The following STRN3 variants were observed in gnomAD, a reference collection of about 807,000 sequenced individuals.
STRN3 encodes striatin 3.
A neutral mutation model predicts 95.6 loss-of-function variants in STRN3; 29 were observed. That is an observed-to-expected ratio of 0.30 (90% CI 0.23 to 0.41). STRN3 has a LOEUF of 0.41. Ranked by LOEUF, STRN3 falls within the 10% of genes least tolerant of loss-of-function variation. The probability of loss-of-function intolerance (pLI) is 1.00; values close to 1 mark genes in which losing one functional copy is unlikely to be tolerated. For missense variants in STRN3, 890 were observed against 972.1 expected, an observed-to-expected ratio of 0.92 and a Z score of 1.12; for synonymous variants, 331 against 357.6, an observed-to-expected ratio of 0.93 and a Z score of 0.84.
chr14:30,916,268 C>G (rs1896735750), intron 9 of STRN3, among the ~76,000 whole-genome samples: 1 of 149,690 alleles, frequency 6.7e-6, no homozygotes, highest in African/African-American at 2.4e-5. Flanking sequence ...ATTATTTAAA[C>G]AAGTAGTTTT....
rs140298772 is a variant in STRN3, at chr14:30,907,385, TCA to T, written c.1721-343_1721-342del. ...ACTTCAATGATTTTTGGTATGTTGT[TCA>T]CAGAGTTATACAACCATCATGACAA... On this transcript the variant is annotated intron_variant, in intron 13 of 17. Coordinates refer to ENST00000357479, the MANE Select transcript of STRN3 (RefSeq NM_001083893.2). Among the ~76,000 whole-genome samples the T allele has an allele frequency of 8.8e-3, 1,344 of 152,286 alleles. 16 individuals carry two copies. Among genetic ancestry groups the T allele is most frequent in the African/African-American group, 0.03 (1,257 of 41,556 alleles).
chr14:31,018,471 C>T, intron 1 of STRN3: 1 of 422,782 alleles, frequency 2.4e-6, no homozygotes, highest in South Asian at 1.7e-5. Context: ...CTGACTGTCA[C>T]CGTCACTCCT....
intron 16 of STRN3, among the ~76,000 whole-genome samples, chr14:30,902,194 AAAAAAAAAAAAAAATG>A: frequency 7.0e-6 from 1 of 143,390 alleles, no homozygotes; most frequent in South Asian, 2.2e-4. Context: ...AAAAAAAAAA[AAAAAAAAAAAAAAATG>A]GAAATGCCAA....
Position 30,956,259 on chromosome 14 carries a change from T to C in STRN3, c.283-17A>G. ...AATCCGGGCCTAAAAATATAAAAGA[T>C]GCATTTATTTACATTTTCCCTTAAC... On this transcript the variant is annotated splice_polypyrimidine_tract_variant and intron_variant, in intron 1 of 17. Transcript: ENST00000357479. 6.2e-7 allele frequency: 1 copy of C among 1,604,926 alleles called. No homozygotes were observed. Among genetic ancestry groups the C allele is most frequent in the Non-Finnish European group, 8.5e-7 (1 of 1,172,552 alleles).
At chr14:30,993,994 C>T (rs551553539) in intron 1 of STRN3, among the ~76,000 whole-genome samples, 10 of 152,092 alleles carry the variant, frequency 6.6e-5, no homozygotes, top group African/African-American at 2.4e-4. Context: ...TCTCCTGCCT[C>T]AGCCTCCCAA....
At chr14:30,945,360 G>T (rs970586357) in intron 5 of STRN3, among the ~76,000 whole-genome samples, 4 of 150,104 alleles carry the variant, frequency 2.7e-5, no homozygotes, top group African/African-American at 9.8e-5. Flanking sequence ...GCTGATGCCT[G>T]TAATCCCAGC....
chr14:30,966,392 A>G (rs139693753), intron 1 of STRN3, among the ~76,000 whole-genome samples: 1 of 152,294 alleles, frequency 6.6e-6, no homozygotes, highest in African/African-American at 2.4e-5. Context: ...TTTACATATA[A>G]CAATGTGGGG....
chr14:30,896,894 A>T (rs762649859), intron 16 of STRN3, among the ~76,000 whole-genome samples: 2 of 152,310 alleles, frequency 1.3e-5, no homozygotes, highest in Non-Finnish European at 1.5e-5. Flanking sequence ...TTTAAAAGAC[A>T]AGTTGTGAAC....
intron 9 of STRN3, among the ~76,000 whole-genome samples, chr14:30,917,463 C>T (rs147018802): frequency 8.1e-4 from 123 of 150,960 alleles, no homozygotes; most frequent in African/African-American, 2.5e-3. Context: ...TTTAAATGTA[C>T]ATTAATTACA....
intron 1 of STRN3, among the ~76,000 whole-genome samples, chr14:30,957,781 G>A (rs1322571412): frequency 1.3e-5 from 2 of 152,148 alleles, no homozygotes; most frequent in East Asian, 3.9e-4. Context: ...TCTGTCTGGG[G>A]ACATTTGCCA....
rs56306509 is a variant in STRN3 at position 30,982,778 on chromosome 14, T to A, written c.283-26536A>T. Among the ~76,000 whole-genome samples the A allele has an allele frequency of 5.2e-3, 796 of 152,316 alleles. 3 individuals carry two copies. Among genetic ancestry groups the A allele is most frequent in the African/African-American group, 0.018 (737 of 41,562 alleles). On this transcript the variant is annotated intron_variant, in intron 1 of 17. Transcript: ENST00000357479. ...TGGTACTTTATTTTTTTACTTTTTT[T>A]AATTTTAGATACAGTCTCGTTATGT... is the stretch of plus-strand genomic sequence containing the variant.
intron 5 of STRN3, among the ~76,000 whole-genome samples, chr14:30,946,132 T>C (rs1879348001): frequency 6.6e-6 from 1 of 152,200 alleles, no homozygotes; most frequent in African/African-American, 2.4e-5. Flanking sequence ...TTATAATTTG[T>C]TGAAAATACT....
At chr14:30,905,701 G>T in intron 14 of STRN3, 143 bp from the exon 15 acceptor site, 1 of 817,264 alleles carries the variant, frequency 1.2e-6, no homozygotes, top group Non-Finnish European at 1.8e-6. Context: ...GAACACAACT[G>T]TGTCAGGATG....
Position 30,913,881 on chromosome 14 carries a change from A to G in STRN3, c.1241-224T>C, listed in dbSNP as rs191852603. On this transcript the variant is annotated intron_variant, in intron 9 of 17. Transcript: ENST00000357479. The stretch of plus-strand genomic sequence containing the variant: ...AAATAAAATGTGCACTAGATATATT[A>G]TTCTGGGGTGGAAGCTAGGGCACAA... Among the ~76,000 whole-genome samples the G allele has an allele frequency of 2.9e-3, 448 of 152,316 alleles. 12 individuals are homozygous for G. Among genetic ancestry groups the G allele is most frequent in the Admixed American group, 0.027 (406 of 15,290 alleles).
At chr14:30,991,993 G>A (rs776912898) in intron 1 of STRN3, among the ~76,000 whole-genome samples, 1 of 151,214 alleles carries the variant, frequency 6.6e-6, no homozygotes, top group Non-Finnish European at 1.5e-5. Flanking sequence ...GAATATATCA[G>A]TCCATACGAC....
chr14:31,017,985 G>A (rs976445200), intron 1 of STRN3, among the ~76,000 whole-genome samples: 21 of 151,682 alleles, frequency 1.4e-4, no homozygotes, highest in African/African-American at 4.8e-5. Context: ...GGCTGAGGCA[G>A]GAGAATTGCT....
chr14:30,999,230 G>A (rs536031705), intron 1 of STRN3, among the ~76,000 whole-genome samples: 1 of 151,092 alleles, frequency 6.6e-6, no homozygotes, highest in East Asian at 1.9e-4. Flanking sequence ...ATTTTTTGTG[G>A]AGATGGGGGG....
intron 5 of STRN3, among the ~76,000 whole-genome samples, chr14:30,941,477 A>C (rs1362150307): frequency 6.6e-6 from 1 of 152,206 alleles, no homozygotes; most frequent in African/African-American, 2.4e-5. Context: ...TTTTCATTTT[A>C]TACAATAACC....
intron 1 of STRN3, among the ~76,000 whole-genome samples, chr14:31,001,429 G>A (rs551466156): frequency 6.6e-5 from 10 of 151,936 alleles, no homozygotes; most frequent in South Asian, 6.3e-4. Context: ...ACAGCTACTC[G>A]GGAGGTTAAA....
Sources: gnomAD v4.1 joint callset for allele counts (sites outside exome capture counted in the v4.1 genomes callset) on GRCh38, gnomAD v4.1.1 for gene constraint, MANE v1.5 for transcripts, NCBI Gene and HGNC (gene_info 2026-07-23, HGNC 2026-07-21) for gene names.